The following IZUMO1 variants were observed in gnomAD, a reference collection of about 807,000 sequenced individuals.
IZUMO1 encodes izumo sperm-oocyte fusion 1, also known as izumo sperm-egg fusion protein 1.
A neutral mutation model predicts 40.7 loss-of-function variants in IZUMO1; 44 were observed. The ratio of observed to expected loss-of-function variants is 1.08; its 90% CI spans 0.85 to 1.39. The LOEUF (loss-of-function observed/expected upper bound fraction) is 1.39. Ranked by LOEUF, IZUMO1 falls within the 40% of genes most tolerant of loss-of-function variation. The pLI is 0.00. For missense variants in IZUMO1, 368 were observed against 436.9 expected (o/e 0.84, Z 1.41); for synonymous variants, 149 against 170.9 (o/e 0.87, Z 1.00).
intron 7 of IZUMO1, 97 bp downstream of exon 7, chr19:48,742,112 T>A: frequency 6.8e-7 from 1 of 1,480,982 alleles, no homozygotes; most frequent in South Asian, 1.2e-5. Context: ...TAGACCACCC[T>A]CCTGGGTCAT....
In IZUMO1 at chr19:48,742,234, C is replaced by G; in HGVS notation, c.575G>C (p.Gly192Ala). Residue 192 changes from glycine to alanine, a missense_variant, in exon 7 of 10, where the codon GGC becomes GCC. Coordinates refer to ENST00000332955, the MANE Select transcript of IZUMO1 (RefSeq NM_182575.3). The stretch of plus-strand genomic sequence containing the variant: ...CCTGTAAAAGCTGTAATCAGTGAGG[C>G]CTTCCGAAGCCTGATGCCAGTTTAA... ...CELNWHQASE[G>A]LTDYSFYRVW... The G allele has an allele frequency of 6.2e-7, 1 of 1,613,934 alleles. No homozygotes were observed. The highest frequency in any genetic ancestry group is 8.5e-7 in the Non-Finnish European group (1 of 1,179,794).
intron 6 of IZUMO1, among the ~76,000 whole-genome samples, 196 bp from the exon 7 acceptor site, chr19:48,742,505 G>A (rs1479436897): frequency 1.3e-5 from 2 of 151,732 alleles, no homozygotes; most frequent in Non-Finnish European, 2.9e-5. Flanking sequence ...TTGCCACCAC[G>A]CCTGGCTAAT....
chr19:48,743,350 G>A (rs2033778745), intron 6 of IZUMO1, 95 bp downstream of exon 6: 2 of 1,159,498 alleles, frequency 1.7e-6, no homozygotes, highest in Non-Finnish European at 2.5e-6. Context: ...CTTGTCTACT[G>A]CCCCCACACC....
At position 48,741,824 on chromosome 19, in the gene IZUMO1, GAA is replaced by G; in HGVS notation, c.717_718del (p.Ser240GlnfsTer118). 9 of 1,603,474 alleles carry G rather than the reference GAA, an allele frequency of 5.6e-6. No homozygotes were observed. The highest frequency in any genetic ancestry group is 7.7e-6 in the Non-Finnish European group (9 of 1,172,138). ...AAAATTGATGATCGTGGCTGGGCTG[GAA>G]TTCACAGAGCCCAGCTCGCAGCGGT... On this transcript the variant is annotated frameshift_variant, in exon 8 of 10. Coordinates refer to ENST00000332955, the MANE Select transcript of IZUMO1 (RefSeq NM_182575.3). LOFTEE classifies it high-confidence loss of function. This position sits in a 1 kb window ranked among gnomAD's most constrained non-coding sequence, Gnocchi z 4.4.
At chr19:48,745,184 T>G (rs1190860228) in intron 3 of IZUMO1, 30 bp downstream of exon 3, 4 of 1,585,090 alleles carry the variant, frequency 2.5e-6, no homozygotes, top group Non-Finnish European at 3.5e-6. Context: ...TCTGAGAGAT[T>G]CGGGACTCCC....
At position 48,741,726 on chromosome 19, in the gene IZUMO1, G is replaced by A; in HGVS notation, c.754+63C>T. 1 of 1,494,922 alleles carries A rather than the reference G, an allele frequency of 6.7e-7. No individual in the cohort carries two copies. Among genetic ancestry groups the A allele is most frequent in the Non-Finnish European group, 8.9e-7 (1 of 1,118,328 alleles). The allele number at this position is 1,494,922 out of a possible 1,614,324, so 92.6% of individuals were successfully genotyped here. On this transcript the variant is annotated intron_variant, in intron 8 of 9. Coordinates refer to ENST00000332955, the MANE Select transcript of IZUMO1 (RefSeq NM_182575.3). This position sits in a 1 kb window ranked among gnomAD's most constrained non-coding sequence, Gnocchi z 4.4. Reference sequence around the variant, plus strand: ...CCCCCATCGCCAAGGCCACGCCCCCGCCGCGGACCCCAGCTTTCCTGGGCC... The same window carrying A: ...CCCCCATCGCCAAGGCCACGCCCCCACCGCGGACCCCAGCTTTCCTGGGCC...
rs1333096241 is a variant in IZUMO1 at position 48,741,393 on chromosome 19, G to A, written c.840C>T (p.Leu280=). ...GEATTESSIS[L]QPLQPEKMLA... is the part of the protein sequence containing the mutation. ...GCATTTTCTCGGGCTGCAGAGGCTG[G>A]AGGCTTATGGACGACTCCGTGGTCG... The change falls in exon 9 of 10, where the codon CTC becomes CTT. Residue 280 remains leucine, a synonymous_variant. Coordinates refer to ENST00000332955, the MANE Select transcript of IZUMO1 (RefSeq NM_182575.3). This position sits in a 1 kb window ranked among gnomAD's most constrained non-coding sequence, Gnocchi z 4.4. 1 of 1,613,462 alleles carries A rather than the reference G, an allele frequency of 6.2e-7. No individual in the cohort carries two copies. The highest frequency in any genetic ancestry group is 1.7e-5 in the Admixed American group (1 of 60,014).
In IZUMO1 at chr19:48,743,170, G is replaced by T. The variant is rs1418906947; in HGVS notation, c.499+275C>A. The stretch of plus-strand genomic sequence containing the variant: ...GCCTTCCAAGTAGCTGGGACTACAG[G>T]AACGCAACACCACACCTGACTAATT... On this transcript the variant is annotated intron_variant, in intron 6 of 9. Transcript: ENST00000332955. The T allele has an allele frequency of 9.2e-6, 4 of 436,406 alleles. No homozygotes were observed. The Admixed American group carries it at 1.5e-4, about 16-fold the overall frequency. 27.0% of individuals were successfully genotyped at this position (436,406 alleles called of 1,614,324 possible).
In IZUMO1 at chr19:48,741,322, A is replaced by T; in HGVS notation, c.911T>A (p.Leu304Gln). The change falls in exon 9 of 10, where the codon CTG (leucine) becomes CAG (glutamine). Residue 304 changes from leucine (L) to glutamine (Q), a missense_variant. Physicochemically the swap from Leu to Gln is moderately radical, Grantham distance 113. Transcript: ENST00000332955. The surrounding 1 kb of genome is among the most constrained non-coding windows in gnomAD (Gnocchi z 4.4). Reference protein sequence around the residue: ...LGLLICGSLALITGLTFAIFR... With the variant: ...LGLLICGSLAQITGLTFAIFR... ...TTACGCAAAGGTAAGGCCGGTTATCAGTGCTAGGGAGCCGCAGATCAGCAG... is the reference window on the plus strand; with the variant it reads ...TTACGCAAAGGTAAGGCCGGTTATCTGTGCTAGGGAGCCGCAGATCAGCAG... 6.2e-7 allele frequency: 1 copy of T among 1,603,578 alleles called. No individual in the cohort carries two copies. Among genetic ancestry groups the T allele is most frequent in the Non-Finnish European group, 8.5e-7 (1 of 1,175,656 alleles).
At position 48,746,445 on chromosome 19, in the gene IZUMO1, G is replaced by A. The variant is rs1412551797; in HGVS notation, c.-84C>T. 3 of 990,122 alleles carry A rather than the reference G, an allele frequency of 3.0e-6. No individual in the cohort carries two copies. The East Asian group carries it at 3.3e-4, about 109-fold the overall frequency. The allele number at this position is 990,122 out of a possible 1,614,324, so 61.3% of individuals were successfully genotyped here. A position where few individuals can be genotyped will look rare whatever the true frequency, so the allele number is the denominator to read the frequency against. ...AACCAAAACACATACCAGATTCCTA[G>A]AACTGAGGACCCCACTAACACTTAA... On this transcript the variant is annotated 5_prime_UTR_variant, in exon 1 of 10. Coordinates refer to ENST00000332955, the MANE Select transcript of IZUMO1 (RefSeq NM_182575.3).
Position 48,745,635 on chromosome 19 carries a change from C to T in IZUMO1, c.225G>A (p.Met75Ile). The change falls in exon 2 of 10, where the codon ATG becomes ATA. Residue 75 changes from methionine to isoleucine, a missense_variant. By Grantham distance (10) the Met-to-Ile change is conservative (BLOSUM62 1). Transcript: ENST00000332955. ...CCCCCCTGCCCTCACCAACGACCCC[C>T]ATATAGGCATCCTCATTAAGCGACA... ...QELSLNEDAY[M>I]GVVDEATLQK... The T allele has an allele frequency of 6.2e-7, 1 of 1,614,170 alleles. No individual in the cohort carries two copies. Among genetic ancestry groups the T allele is most frequent in the African/African-American group, 1.3e-5 (1 of 75,036 alleles).
rs796432919 is a variant in IZUMO1 at position 48,744,292 on chromosome 19, GC to G, written c.398-98del. On this transcript the variant is annotated intron_variant, in intron 4 of 9. Transcript: ENST00000332955. Reference sequence around the variant, plus strand: ...AAGAGGGGGTTGGGGGAAGAGCTGGGCTTTGGGCTTTTGGGTTCGAGGGAGA... The same window carrying G: ...AAGAGGGGGTTGGGGGAAGAGCTGGGTTTGGGCTTTTGGGTTCGAGGGAGA... The G allele has an allele frequency of 1.1e-4, 154 of 1,372,136 alleles. 1 individual carries two copies. The African/African-American group carries it at 1.9e-3, about 17-fold the overall frequency. 85.0% of individuals were successfully genotyped at this position (1,372,136 alleles called of 1,614,324 possible).
Position 48,743,478 on chromosome 19 carries a change from C to A in IZUMO1, c.466G>T (p.Val156Phe). 1 of 1,614,170 alleles carries A rather than the reference C, an allele frequency of 6.2e-7. No individual in the cohort carries two copies. Among genetic ancestry groups the A allele is most frequent in the Non-Finnish European group, 8.5e-7 (1 of 1,180,032 alleles). ...LIWCKNCKKE[V>F]HACRKSYDCG... ...TCGTAGGACTTTCGACAAGCGTGAACCTCCTTTTTGCAGTTCTTGCACCAG... is the reference window on the plus strand; with the variant it reads ...TCGTAGGACTTTCGACAAGCGTGAAACTCCTTTTTGCAGTTCTTGCACCAG... The change falls in exon 6 of 10, where the codon GTT becomes TTT. Residue 156 changes from valine to phenylalanine, a missense_variant. Val to Phe is a conservative substitution (Grantham distance 50). Transcript: ENST00000332955.
At chr19:48,746,171 T>C in intron 1 of IZUMO1, 1 of 1,199,682 alleles carries the variant, frequency 8.3e-7, no homozygotes. Context: ...GAATCACTCA[T>C]AAGTCCCCAA....
Position 48,741,708 on chromosome 19 carries a change from C to A in IZUMO1, c.754+81G>T, listed in dbSNP as rs2033699791. Reference sequence around the variant, plus strand: ...ACCCAACAGGAAGTCACGCCCCCATCGCCAAGGCCACGCCCCCGCCGCGGA... The same window carrying A: ...ACCCAACAGGAAGTCACGCCCCCATAGCCAAGGCCACGCCCCCGCCGCGGA... On this transcript the variant is annotated intron_variant, in intron 8 of 9. Transcript: ENST00000332955. This position sits in a 1 kb window ranked among gnomAD's most constrained non-coding sequence, Gnocchi z 4.4. 1.4e-6 allele frequency: 2 copies of A among 1,463,072 alleles called. No individual in the cohort carries two copies. Among genetic ancestry groups the A allele is most frequent in the Admixed American group, 5.1e-5 (2 of 39,418 alleles). 90.6% of individuals were successfully genotyped at this position (1,463,072 alleles called of 1,614,324 possible).
chr19:48,745,170 C>T (rs753347914), intron 3 of IZUMO1, 44 bp downstream of exon 3: 1 of 1,524,422 alleles, frequency 6.6e-7, no homozygotes, highest in South Asian at 1.1e-5. Flanking sequence ...CTAACGCTGG[C>T]TTCTCTGAGA....
chr19:48,741,049 C>T lies in IZUMO1; in HGVS notation c.933-21G>A, dbSNP rs745727460. Reference sequence around the variant, plus strand: ...ATATCCTAGGGGTGGGAGTGGGGTGCAGATCATGGAACCGGTTTGGGTACT... The same window carrying T: ...ATATCCTAGGGGTGGGAGTGGGGTGTAGATCATGGAACCGGTTTGGGTACT... On this transcript the variant is annotated intron_variant, in intron 9 of 9. Transcript: ENST00000332955. This position sits in a 1 kb window ranked among gnomAD's most constrained non-coding sequence, Gnocchi z 4.4. 1.6e-5 allele frequency: 26 copies of T among 1,613,056 alleles called. No homozygotes were observed. In the South Asian group the frequency reaches 1.6e-4, roughly 10 times the overall value.
chr19:48,741,974 T>C lies in IZUMO1; in HGVS notation c.601-32A>G. ...CCAAGCTCAAGGGGTCACTGAGGCC[T>C]GAGGAATTCAGGGGTTGGGGGAGTA... On this transcript the variant is annotated intron_variant, in intron 7 of 9. Coordinates refer to ENST00000332955, the MANE Select transcript of IZUMO1 (RefSeq NM_182575.3). This position sits in a 1 kb window ranked among gnomAD's most constrained non-coding sequence, Gnocchi z 4.4. 6.4e-7 allele frequency: 1 copy of C among 1,564,058 alleles called. No homozygotes were observed. The highest frequency in any genetic ancestry group is 1.2e-5 in the South Asian group (1 of 85,678).
rs1406398927 is a variant in IZUMO1 at position 48,744,462 on chromosome 19, G to C, written c.388C>G (p.Gln130Glu). Residue 130 changes from glutamine to glutamate, a missense_variant, in exon 4 of 10, where the codon CAA (glutamine) becomes GAA (glutamate). Gln to Glu is a conservative substitution (Grantham distance 29). Coordinates refer to ENST00000332955, the MANE Select transcript of IZUMO1 (RefSeq NM_182575.3). ...TCCCATCTTCTCTCACCCTCTTTTTGGAATCGAGCAACATAGGTGGCAAAG... is the reference window on the plus strand; with the variant it reads ...TCCCATCTTCTCTCACCCTCTTTTTCGAATCGAGCAACATAGGTGGCAAAG... ...ETFATYVARF[Q>E]KEAYCPNKCG... 1.2e-6 allele frequency: 2 copies of C among 1,612,332 alleles called. No homozygotes were observed. The highest frequency in any genetic ancestry group is 1.7e-6 in the Non-Finnish European group (2 of 1,178,584).
Sources: allele counts gnomAD v4.1 joint callset (sites outside exome capture counted in the v4.1 genomes callset), GRCh38; gene constraint gnomAD v4.1.1; non-coding constraint Gnocchi (gnomAD v3.1); transcripts MANE v1.5; gene names NCBI Gene and HGNC (gene_info 2026-07-23, HGNC 2026-07-21).